L1CAM: variants seen among roughly 807,000 people sequenced by gnomAD.
L1CAM encodes the protein L1 cell adhesion molecule.
In L1CAM, 8 loss-of-function variants were observed where a neutral mutation model predicts 93.0. That is an observed-to-expected ratio of 0.09 (90% CI 0.05 to 0.16). L1CAM has a LOEUF of 0.16. L1CAM is among the 10% of genes least tolerant of loss of function. The pLI is 1.00. For missense variants in L1CAM, 777 were observed against 1,073.4 expected (o/e 0.72, Z 3.86); for synonymous variants, 453 against 453.0 (o/e 1.00, Z 0.00).
chrX:153,879,799 G>A (rs782714900), intron 1 of L1CAM, among the ~76,000 whole-genome samples: 4 of 111,717 alleles, frequency 3.6e-5, no homozygotes, highest in African/African-American at 1.3e-4. Flanking sequence ...GGAGGGGGAA[G>A]CACCCAGAAA....
intron 1 of L1CAM, among the ~76,000 whole-genome samples, chrX:153,883,533 A>G (rs2064858064): frequency 1.8e-5 from 2 of 112,292 alleles, no homozygotes; most frequent in South Asian, 3.6e-4. Context: ...CTGCAGGCCC[A>G]TTCCAGATGG....
chrX:153,867,842 C>G lies in L1CAM; in HGVS notation c.1897G>C (p.Val633Leu), dbSNP rs201496144. 8.3e-7 allele frequency: 1 copy of G among 1,208,791 alleles called. No individual in the cohort carries two copies. The highest frequency in any genetic ancestry group is 1.7e-5 in the African/African-American group (1 of 57,165). The change falls in exon 16 of 29, where the codon GTG (valine) becomes CTG (leucine). Residue 633 changes from valine (V) to leucine (L), a missense_variant. Transcript: ENST00000370060. The stretch of plus-strand genomic sequence containing the variant: ...TGGTCTTCTGCAGGACTCCAGGACA[C>G]GCGCACCTGGCTCTGCGTCAGCAGG... The part of the protein sequence containing the change: ...LHLLTQSQVR[V>L]SWSPAEDHNA...
rs199939435 is a variant in L1CAM at position 153,868,475 on chromosome X, C to T, written c.1547-17G>A. Reference sequence around the variant, plus strand: ...GAGTTGCATCTGAGGGTAATGCGTGCGTGGGGAAGTCACTCTGTTGTCCTC... The same window carrying T: ...GAGTTGCATCTGAGGGTAATGCGTGTGTGGGGAAGTCACTCTGTTGTCCTC... On this transcript the variant is annotated splice_polypyrimidine_tract_variant and intron_variant, in intron 13 of 28. Transcript: ENST00000370060. 6.6e-6 allele frequency: 8 copies of T among 1,211,853 alleles called. No individual in the cohort carries two copies. The highest frequency in any genetic ancestry group is 2.3e-4 in the Middle Eastern group (1 of 4,356).
chrX:153,884,806 C>T lies in L1CAM; in HGVS notation c.-109+1259G>A, dbSNP rs782239142. Reference sequence around the variant, plus strand: ...GGGAGGGGAGAGGCCCTGGGGAGGCCCCCGCCCCAGAAAGATGATGCTGGG... The same window carrying T: ...GGGAGGGGAGAGGCCCTGGGGAGGCTCCCGCCCCAGAAAGATGATGCTGGG... On this transcript the variant is annotated intron_variant, in intron 1 of 28. Coordinates refer to ENST00000370060, the MANE Select transcript of L1CAM (RefSeq NM_001278116.2). 3.5e-5 allele frequency among the ~76,000 whole-genome samples: 4 copies of T among 112,884 alleles called. No individual in the cohort carries two copies. In the Admixed American group the frequency reaches 3.7e-4, roughly 10 times the overall value.
rs782091234 is a variant in L1CAM at position 153,866,639 on chromosome X, G to T, written c.2431+10C>A. 1 of 1,194,630 alleles carries T rather than the reference G, an allele frequency of 8.4e-7. No homozygotes were observed. ...TCAACCGTGGGCGAGGGGCCCTGCC[G>T]GATACTCACAGTCCTCTCCAGAGTA... On this transcript the variant is annotated intron_variant, in intron 19 of 28. Coordinates refer to ENST00000370060, the MANE Select transcript of L1CAM (RefSeq NM_001278116.2).
Position 153,862,690 on chromosome X carries a change from G to A in L1CAM, c.3747C>T (p.Pro1249=). Residue 1249 remains proline (P), a synonymous_variant, in exon 29 of 29, where the codon CCC becomes CCT. Transcript: ENST00000370060. ...GGNDSSGATS[P]INPAVALE is the part of the protein sequence containing the mutation. ...ATTCTAGGGCCACGGCAGGGTTGAT[G>A]GGGGAAGTGGCCCCTGAGCTGTCAT... 8.3e-7 allele frequency: 1 copy of A among 1,210,751 alleles called. No individual in the cohort carries two copies.
chrX:153,880,327 C>T (rs2064837803), intron 1 of L1CAM: 1 of 187,489 alleles, frequency 5.3e-6, no homozygotes, highest in Non-Finnish European at 1.0e-5. Flanking sequence ...GTGCCCTGCA[C>T]ACCTGCCTGT....
At chrX:153,883,052 C>T (rs2064853766) in intron 1 of L1CAM, among the ~76,000 whole-genome samples, 1 of 111,938 alleles carries the variant, frequency 8.9e-6, no homozygotes. Flanking sequence ...CAGGCACCCC[C>T]CATACAGCCT....
chrX:153,872,955 GC>G, intron 3 of L1CAM: 1 of 450,958 alleles, frequency 2.2e-6, no homozygotes, highest in Non-Finnish European at 3.9e-6. Flanking sequence ...GGCAACAAAA[GC>G]CAAGACACAG....
At chrX:153,867,702 G>T in intron 16 of L1CAM, 98 bp downstream of exon 16, 1 of 980,953 alleles carries the variant, frequency 1.0e-6, no homozygotes, top group Non-Finnish European at 1.5e-6. Context: ...CCCCCAAACC[G>T]TGTCCCCCCA....
In L1CAM at chrX:153,863,915, A is replaced by G; in HGVS notation, c.3425T>C (p.Phe1142Ser). ...TTTGCCGCCCTTGCTGCGCTTGATG[A>G]AGCAGAGGATGAGCAGGACGAGGAG... is the stretch of plus-strand genomic sequence containing the variant. The part of the protein sequence containing the change: ...LLLLVLLILC[F>S]IKRSKGGKYS... The change falls in exon 26 of 29, where the codon TTC becomes TCC. Residue 1142 changes from phenylalanine (F) to serine (S), a missense_variant. By Grantham distance (155) the Phe-to-Ser change is radical. Transcript: ENST00000370060. 8.2e-7 allele frequency: 1 copy of G among 1,212,180 alleles called. No homozygotes were observed. Among genetic ancestry groups the G allele is most frequent in the Non-Finnish European group, 1.1e-6 (1 of 895,541 alleles).
chrX:153,865,486 C>A lies in L1CAM; in HGVS notation c.2562G>T (p.Arg854Ser), dbSNP rs1032992615. Residue 854 changes from arginine to serine, a missense_variant, in exon 21 of 29, where the codon AGG (arginine) becomes AGT (serine). This residue lies in a region of L1CAM where 574 missense variants were observed against 781.0 expected (regional missense o/e 0.73). Coordinates refer to ENST00000370060, the MANE Select transcript of L1CAM (RefSeq NM_001278116.2). ...TGCTGTGCTTCCTCTGACTGCCCTC[C>A]CTCCAGTACGTCACCTGCACAAGCG... ...HLRGYNVTYW[R>S]EGSQRKHSKR... 8.3e-7 allele frequency: 1 copy of A among 1,211,034 alleles called. No homozygotes were observed. Among genetic ancestry groups the A allele is most frequent in the Admixed American group, 2.2e-5 (1 of 46,078 alleles).
Position 153,877,287 on chromosome X carries a change from C to CAAA in L1CAM, c.-108-1346_-108-1344dup, listed in dbSNP as rs34384910. 1.8e-3 allele frequency among the ~76,000 whole-genome samples: 23 copies of CAAA among 12,805 alleles called. 5 individuals carry two copies. The highest frequency in any genetic ancestry group is 2.7e-3 in the African/African-American group (14 of 5,223). 11.1% of individuals were successfully genotyped at this position (12,805 alleles called of 115,157 possible). A position where few individuals can be genotyped will look rare whatever the true frequency, so the allele number is the denominator to read the frequency against. ...TGAAATCCTGTCTCTACTAAAAATA[C>CAAA]AAAAAAAAAAAAAAAAAAAAAAAAA... On this transcript the variant is annotated intron_variant, in intron 1 of 28. Transcript: ENST00000370060.
At chrX:153,869,726 C>G in intron 10 of L1CAM, 63 bp from the exon 11 acceptor site, 3 of 1,201,216 alleles carry the variant, frequency 2.5e-6, no homozygotes, top group Non-Finnish European at 3.4e-6. Flanking sequence ...TGAGGCCCTT[C>G]CTCACCCTCC....
At chrX:153,872,891 A>C (rs2064785291) in intron 3 of L1CAM, 194 bp from the exon 4 acceptor site, 1 of 461,035 alleles carries the variant, frequency 2.2e-6, no homozygotes, top group Non-Finnish European at 3.8e-6. Flanking sequence ...CAGCCACGTA[A>C]GTTACAAAGA....
At chrX:153,871,376 T>G (rs1027268407) in intron 5 of L1CAM, among the ~76,000 whole-genome samples, 197 bp from the exon 6 acceptor site, 1 of 110,609 alleles carries the variant, frequency 9.0e-6, no homozygotes, top group Non-Finnish European at 1.9e-5. Flanking sequence ...GACTAGCACT[T>G]AGGGAGGCCA....
rs782775702 is a variant in L1CAM at position 153,883,088 on chromosome X, G to A, written c.-109+2977C>T. 8.0e-5 allele frequency among the ~76,000 whole-genome samples: 9 copies of A among 111,885 alleles called. No homozygotes were observed. The East Asian group carries it at 2.0e-3, about 25-fold the overall frequency. On this transcript the variant is annotated intron_variant, in intron 1 of 28. Transcript: ENST00000370060. ...TCCACTCAGACAAGGCCCCCATGGGGGGTCTGGGCCCAACCCCAAGGCGTA... is the reference window on the plus strand; with the variant it reads ...TCCACTCAGACAAGGCCCCCATGGGAGGTCTGGGCCCAACCCCAAGGCGTA...
Position 153,865,202 on chromosome X carries a change from G to A in L1CAM, c.2758C>T (p.His920Tyr), listed in dbSNP as rs2064701743. ...TFSTPEGVPG[H>Y]PEALHLECQS... ...CACTCCAGGTGCAACGCCTCGGGGT[G>A]GCCAGGCACTGCAGGGCACAGAACC... The change falls in exon 22 of 29, where the codon CAC becomes TAC. Residue 920 changes from histidine to tyrosine, a missense_variant. Around this residue, in one of 5 missense-constraint regions of L1CAM, gnomAD observed 4 missense variants for 20.3 expected, o/e 0.20. Coordinates refer to ENST00000370060, the MANE Select transcript of L1CAM (RefSeq NM_001278116.2). 6.6e-6 allele frequency: 8 copies of A among 1,208,161 alleles called. No homozygotes were observed. The highest frequency in any genetic ancestry group is 8.9e-6 in the Non-Finnish European group (8 of 894,706).
In L1CAM at chrX:153,867,925, G is replaced by T; in HGVS notation, c.1829-15C>A. ...CCCAGGGCTCCCTGAGGGTGGGGAGGGTCGGTGCTTGAAAGGGCCCAGGGA... is the reference window on the plus strand; with the variant it reads ...CCCAGGGCTCCCTGAGGGTGGGGAGTGTCGGTGCTTGAAAGGGCCCAGGGA... On this transcript the variant is annotated splice_polypyrimidine_tract_variant and intron_variant, in intron 15 of 28. Transcript: ENST00000370060. 8.3e-7 allele frequency: 1 copy of T among 1,209,690 alleles called. No individual in the cohort carries two copies. Among genetic ancestry groups the T allele is most frequent in the Non-Finnish European group, 1.1e-6 (1 of 894,295 alleles).
Sources: gnomAD v4.1 joint callset for allele counts (sites outside exome capture counted in the v4.1 genomes callset) on GRCh38, gnomAD v4.1.1 for gene constraint, gnomAD v4.1.1 regional missense constraint, MANE v1.5 for transcripts, NCBI Gene and HGNC (gene_info 2026-07-23, HGNC 2026-07-21) for gene names.